Variants in CACNA2D1 observed in about 807,000 individuals in gnomAD.
CACNA2D1 encodes the protein calcium voltage-gated channel auxiliary subunit alpha2delta 1, also known as voltage-dependent calcium channel subunit alpha-2/delta-1.
CACNA2D1 carries 53 observed loss-of-function variants against 171.5 expected under a neutral mutation model. The observed-to-expected ratio is 0.31, with a 90% CI of 0.25 to 0.39. The LOEUF is 0.39. Ranked by LOEUF, CACNA2D1 falls within the 10% of genes least tolerant of loss-of-function variation. The pLI is 1.00. For synonymous variants in CACNA2D1, 442 were observed against 443.1 expected (o/e 1.00, Z 0.03); for missense variants, 903 against 1,299.8 (o/e 0.69, Z 4.69).
intron 3 of CACNA2D1, among the ~76,000 whole-genome samples, chr7:82,224,090 C>G (rs1485651221): frequency 6.6e-6 from 1 of 152,172 alleles, no homozygotes; most frequent in Non-Finnish European, 1.5e-5. Flanking sequence ...CTCTCAGCCT[C>G]ATTCCAGTCA....
At chr7:81,994,183 G>C (rs1452748400) in intron 20 of CACNA2D1, among the ~76,000 whole-genome samples, 1 of 152,080 alleles carries the variant, frequency 6.6e-6, no homozygotes, top group East Asian at 1.9e-4. Context: ...AAAAGCTTCT[G>C]AGACTTACAT....
At chr7:82,073,502 T>C (rs1808568716) in intron 7 of CACNA2D1, among the ~76,000 whole-genome samples, 2 of 152,212 alleles carry the variant, frequency 1.3e-5, no homozygotes, top group Non-Finnish European at 2.9e-5. Flanking sequence ...TAAAATTCAC[T>C]ATCTATTGTA....
At chr7:82,092,524 C>G (rs1323572402) in intron 6 of CACNA2D1, among the ~76,000 whole-genome samples, 1 of 148,888 alleles carries the variant, frequency 6.7e-6, no homozygotes, top group Non-Finnish European at 1.5e-5. Flanking sequence ...GGGCACCCAC[C>G]ACCACGCCCA....
At chr7:82,403,436 G>C (rs3801669) in intron 1 of CACNA2D1, among the ~76,000 whole-genome samples, 7,145 of 152,262 alleles carry the variant, frequency 0.047, 186 homozygotes, top group Middle Eastern at 0.065. Context: ...TTCAAGTGTA[G>C]TTTAGTTAGG....
At chr7:82,035,971 C>A (rs1399353030) in intron 11 of CACNA2D1, among the ~76,000 whole-genome samples, 1 of 152,136 alleles carries the variant, frequency 6.6e-6, no homozygotes, top group Non-Finnish European at 1.5e-5. Flanking sequence ...CTGCACATCT[C>A]TGATTTTCTG....
At chr7:82,382,901 G>T (rs574388648) in intron 1 of CACNA2D1, among the ~76,000 whole-genome samples, 4 of 152,272 alleles carry the variant, frequency 2.6e-5, no homozygotes, top group Admixed American at 2.6e-4. Flanking sequence ...ATTTCTGCAT[G>T]AAATATATCA....
At chr7:82,328,395 G>A (rs987578682) in intron 3 of CACNA2D1, among the ~76,000 whole-genome samples, 1 of 152,046 alleles carries the variant, frequency 6.6e-6, no homozygotes, top group African/African-American at 2.4e-5. Flanking sequence ...ATTGTTCTCA[G>A]TGTTAGGAAG....
At chr7:82,089,861 A>G (rs1285509163) in intron 6 of CACNA2D1, among the ~76,000 whole-genome samples, 2 of 152,156 alleles carry the variant, frequency 1.3e-5, no homozygotes, top group African/African-American at 4.8e-5. Flanking sequence ...TTAAGTTTGT[A>G]TTAAGTTTGA....
chr7:82,303,373 A>T (rs548831657), intron 3 of CACNA2D1, among the ~76,000 whole-genome samples: 2 of 152,102 alleles, frequency 1.3e-5, no homozygotes, highest in East Asian at 1.9e-4. Flanking sequence ...GCAAGTACAG[A>T]TCCATTGCAA....
At chr7:82,257,919 C>T (rs1806494097) in intron 3 of CACNA2D1, among the ~76,000 whole-genome samples, 1 of 152,042 alleles carries the variant, frequency 6.6e-6, no homozygotes, top group Admixed American at 6.6e-5. Context: ...TTAATAAATG[C>T]ATAAACTTTG....
chr7:82,144,241 ATACTAATACCATACTTCCTAC>A, intron 4 of CACNA2D1, among the ~76,000 whole-genome samples: 1 of 152,140 alleles, frequency 6.6e-6, no homozygotes, highest in East Asian at 1.9e-4. Flanking sequence ...GATAGTACTG[ATACTAATACCATACTTCCTAC>A]AATGTTTTCT....
At chr7:82,335,033 T>C in intron 3 of CACNA2D1, 102 bp downstream of exon 3, 1 of 803,150 alleles carries the variant, frequency 1.2e-6, no homozygotes, top group South Asian at 1.4e-5. Context: ...ACACAGTTAC[T>C]AAGAAGAAGA....
intron 1 of CACNA2D1, among the ~76,000 whole-genome samples, chr7:82,395,366 T>C (rs1825657995): frequency 6.6e-6 from 1 of 152,176 alleles, no homozygotes; most frequent in Non-Finnish European, 1.5e-5. Context: ...CACCATGTGG[T>C]TTGCTGCCAT....
chr7:81,980,172 C>CAAAAAA (rs35616922), intron 24 of CACNA2D1, among the ~76,000 whole-genome samples: 1,009 of 25,322 alleles, frequency 0.04, 24 homozygotes, highest in East Asian at 0.057. Flanking sequence ...TAAAACCAAG[C>CAAAAAA]AAAAAAAAAA....
chr7:81,967,134 T>A, intron 31 of CACNA2D1, 35 bp downstream of exon 31: 1 of 1,524,604 alleles, frequency 6.6e-7, no homozygotes. Context: ...CAAGGAAATA[T>A]TGTACTCAAA....
intron 1 of CACNA2D1, among the ~76,000 whole-genome samples, chr7:82,407,661 AAGAT>A (rs1317597735): frequency 2.0e-5 from 3 of 152,200 alleles, no homozygotes; most frequent in Non-Finnish European, 4.4e-5. Context: ...AGGTGGGAGA[AAGAT>A]AAATAAGACA....
At chr7:81,964,875 A>T (rs911683787) in intron 32 of CACNA2D1, among the ~76,000 whole-genome samples, 6 of 151,986 alleles carry the variant, frequency 3.9e-5, no homozygotes, top group Non-Finnish European at 7.4e-5. Flanking sequence ...GTAATCACTT[A>T]ACTATGCAAA....
At chr7:82,191,064 T>C (rs1195543273) in intron 3 of CACNA2D1, among the ~76,000 whole-genome samples, 1 of 151,720 alleles carries the variant, frequency 6.6e-6, no homozygotes, top group Non-Finnish European at 1.5e-5. Flanking sequence ...CTCAAGAACG[T>C]CTATAATCTG....
chr7:82,065,724 T>C (rs186543228), intron 8 of CACNA2D1, among the ~76,000 whole-genome samples: 216 of 152,300 alleles, frequency 1.4e-3, no homozygotes, highest in African/African-American at 5.1e-3. Flanking sequence ...AGTTTCCATA[T>C]AGTCTTCATT....
Sources: allele counts gnomAD v4.1 joint callset (sites outside exome capture counted in the v4.1 genomes callset), GRCh38; gene constraint gnomAD v4.1.1; transcripts MANE v1.5; gene names NCBI Gene and HGNC (gene_info 2026-07-23, HGNC 2026-07-21).